IL20RB: variants seen among roughly 807,000 people sequenced by gnomAD.
The protein encoded by IL20RB is interleukin-20 receptor subunit beta.
Under a neutral mutation model 33.3 loss-of-function variants are expected in IL20RB, and 21 were observed. The observed-to-expected ratio is 0.63, with a 90% confidence interval of 0.45 to 0.91. The LOEUF is 0.91. IL20RB is among the 40% of genes least tolerant of loss of function. The pLI is 0.00. For missense variants in IL20RB, 345 were observed against 384.8 expected (o/e 0.90, Z 0.86); for synonymous variants, 147 against 146.8 (o/e 1.00, Z -0.01).
intron 1 of IL20RB, among the ~76,000 whole-genome samples, chr3:136,974,508 C>T (rs2108188617): frequency 6.6e-6 from 1 of 152,194 alleles, no homozygotes; most frequent in Middle Eastern, 3.4e-3. Context: ...CTGAGAAATC[C>T]ACTGATGGGG....
chr3:137,009,183 G>A (rs1933014498), intron 6 of IL20RB, among the ~76,000 whole-genome samples: 2 of 152,208 alleles, frequency 1.3e-5, no homozygotes, highest in Non-Finnish European at 2.9e-5. Flanking sequence ...GAGGAACTGA[G>A]GTGGAGGAAA....
rs534249302 is a variant in IL20RB at position 136,997,401 on chromosome 3, C to G, written c.825+1845C>G. Reference sequence around the variant, plus strand: ...GCCACTGCACCTGGCCTGTTTCTCTCTTTATGTCAGATTTTCCTTAATGTA... The same window carrying G: ...GCCACTGCACCTGGCCTGTTTCTCTGTTTATGTCAGATTTTCCTTAATGTA... On this transcript the variant is annotated intron_variant, in intron 6 of 6. Coordinates refer to ENST00000329582, the MANE Select transcript of IL20RB (RefSeq NM_144717.4). Among the ~76,000 whole-genome samples the G allele has an allele frequency of 3.3e-5, 5 of 152,152 alleles. No individual in the cohort carries two copies. In the East Asian group the frequency reaches 5.8e-4, roughly 18 times the overall value.
intron 3 of IL20RB, among the ~76,000 whole-genome samples, chr3:136,986,941 C>A (rs978739113): frequency 6.6e-6 from 1 of 151,588 alleles, no homozygotes; most frequent in South Asian, 2.1e-4. Flanking sequence ...CTTAAGGCGG[C>A]GCGTCTGGAG....
chr3:136,962,014 T>A lies in IL20RB; in HGVS notation c.88+3813T>A, dbSNP rs191540410. Among the ~76,000 whole-genome samples, 26 of 152,254 alleles carry A rather than the reference T, an allele frequency of 1.7e-4. No homozygotes were observed. In the South Asian group the frequency reaches 5.4e-3, roughly 32 times the overall value. Reference sequence around the variant, plus strand: ...TTGGACTTTACAGAATAAATTAAAATATCCATGAGTCCATACCACTAAAAA... The same window carrying A: ...TTGGACTTTACAGAATAAATTAAAAAATCCATGAGTCCATACCACTAAAAA... On this transcript the variant is annotated intron_variant, in intron 1 of 6. Transcript: ENST00000329582.
chr3:137,004,813 T>C (rs1942320228), intron 6 of IL20RB, among the ~76,000 whole-genome samples: 1 of 152,228 alleles, frequency 6.6e-6, no homozygotes, highest in Non-Finnish European at 1.5e-5. Context: ...TTCTAGCTTT[T>C]GAATGTGTTT....
chr3:137,004,402 T>C (rs578185497), intron 6 of IL20RB, among the ~76,000 whole-genome samples: 2 of 152,306 alleles, frequency 1.3e-5, no homozygotes, highest in Non-Finnish European at 2.9e-5. Context: ...TCCTGGACTT[T>C]TTTTGGTTGT....
At chr3:137,008,383 G>T in intron 6 of IL20RB, among the ~76,000 whole-genome samples, 1 of 152,220 alleles carries the variant, frequency 6.6e-6, no homozygotes, top group East Asian at 1.9e-4. Flanking sequence ...GCGACAGCAG[G>T]TTGCTACCAA....
intron 6 of IL20RB, among the ~76,000 whole-genome samples, chr3:136,996,911 C>T (rs1291191485): frequency 6.6e-6 from 1 of 152,050 alleles, no homozygotes; most frequent in Non-Finnish European, 1.5e-5. Context: ...TCTCAAAGTA[C>T]CTTGAAGCAT....
At chr3:136,990,216 C>T (rs1413048459) in intron 4 of IL20RB, among the ~76,000 whole-genome samples, 2 of 151,970 alleles carry the variant, frequency 1.3e-5, no homozygotes, top group Non-Finnish European at 2.9e-5. Context: ...GACACTCAGA[C>T]CTGTGGAGCC....
rs570419913 is a variant in IL20RB, at chr3:136,995,949, A to G, written c.825+393A>G. ...CAGCTACACCCAATAACATGTTCCA[A>G]CCCAACTTATTCAATTCACATGCCA... On this transcript the variant is annotated intron_variant, in intron 6 of 6. Coordinates refer to ENST00000329582, the MANE Select transcript of IL20RB (RefSeq NM_144717.4). Among the ~76,000 whole-genome samples the G allele has an allele frequency of 5.1e-4, 78 of 152,220 alleles. 2 individuals are homozygous for G. The South Asian group carries it at 0.016, about 31-fold the overall frequency.
intron 1 of IL20RB, among the ~76,000 whole-genome samples, chr3:136,967,562 C>T (rs1291945055): frequency 3.7e-4 from 2 of 5,478 alleles, no homozygotes; most frequent in Admixed American, 1.7e-3. Flanking sequence ...GATCTTCCTC[C>T]ATCCTTTTAT....
intron 6 of IL20RB, among the ~76,000 whole-genome samples, chr3:137,008,704 A>G (rs116283056): frequency 0.013 from 2,035 of 152,286 alleles, 34 homozygotes; most frequent in African/African-American, 0.037. Flanking sequence ...TATTTTAAAT[A>G]TAAAATATGG....
In IL20RB at chr3:137,010,438, G is replaced by A. The variant is rs1000941315; in HGVS notation, c.*215G>A. 3 of 467,156 alleles carry A rather than the reference G, an allele frequency of 6.4e-6. No homozygotes were observed. Among genetic ancestry groups the A allele is most frequent in the Non-Finnish European group, 1.1e-5 (3 of 260,966 alleles). The allele number at this position is 467,156 out of a possible 1,614,324, so 28.9% of individuals were successfully genotyped here. On this transcript the variant is annotated 3_prime_UTR_variant, in exon 7 of 7. Coordinates refer to ENST00000329582, the MANE Select transcript of IL20RB (RefSeq NM_144717.4). ...TTAGGGGATGTGACCTCTAGACTGG[G>A]GGCTGCCACTTGCTGGCTGAGCAAC...
At chr3:136,960,605 A>G (rs1302115859) in intron 1 of IL20RB, among the ~76,000 whole-genome samples, 1 of 152,244 alleles carries the variant, frequency 6.6e-6, no homozygotes, top group Non-Finnish European at 1.5e-5. Context: ...CAAAAATGTT[A>G]TCTTGACTTC....
At chr3:136,962,219 A>T (rs1941239456) in intron 1 of IL20RB, among the ~76,000 whole-genome samples, 1 of 152,190 alleles carries the variant, frequency 6.6e-6, no homozygotes, top group South Asian at 2.1e-4. Context: ...GCACAGTCTC[A>T]AAGTATCTCC....
intron 1 of IL20RB, among the ~76,000 whole-genome samples, chr3:136,974,144 C>T (rs1159175745): frequency 6.6e-6 from 1 of 151,154 alleles, no homozygotes; most frequent in Non-Finnish European, 1.5e-5. Flanking sequence ...TTTTCTTTTT[C>T]TCCTATTGTT....
In IL20RB at chr3:136,970,052, G is replaced by A. The variant is rs182014163; in HGVS notation, c.89-10414G>A. Among the ~76,000 whole-genome samples the A allele has an allele frequency of 8.0e-5, 12 of 150,902 alleles. No homozygotes were observed. In the East Asian group the frequency reaches 2.1e-3, roughly 27 times the overall value. ...TTTGTTTGCCTGCAGATATCCAATTGTTCCAGTATTATTTGTTTAAAGCGT... is the reference window on the plus strand; with the variant it reads ...TTTGTTTGCCTGCAGATATCCAATTATTCCAGTATTATTTGTTTAAAGCGT... On this transcript the variant is annotated intron_variant, in intron 1 of 6. Coordinates refer to ENST00000329582, the MANE Select transcript of IL20RB (RefSeq NM_144717.4).
chr3:136,988,588 A>G (rs761423640), intron 3 of IL20RB, among the ~76,000 whole-genome samples: 1 of 152,020 alleles, frequency 6.6e-6, no homozygotes, highest in Non-Finnish European at 1.5e-5. Flanking sequence ...AAAAATACAA[A>G]AAACATTAGC....
At chr3:136,987,508 G>A (rs1314187056) in intron 3 of IL20RB, among the ~76,000 whole-genome samples, 2 of 152,250 alleles carry the variant, frequency 1.3e-5, no homozygotes, top group African/African-American at 4.8e-5. Flanking sequence ...CCAGACTCAG[G>A]AGGCCAGCTG....
Sources: allele counts gnomAD v4.1 joint callset (sites outside exome capture counted in the v4.1 genomes callset), GRCh38; gene constraint gnomAD v4.1.1; transcripts MANE v1.5; gene names NCBI Gene and HGNC (gene_info 2026-07-23, HGNC 2026-07-21).